The following SUSD2 variants were observed in gnomAD, a reference collection of about 807,000 sequenced individuals.
SUSD2 encodes sushi domain-containing protein 2.
SUSD2 carries 86 observed loss-of-function variants against 93.8 expected under a neutral mutation model. The observed-to-expected ratio is 0.92, with a 90% CI of 0.77 to 1.10. The LOEUF (loss-of-function observed/expected upper bound fraction) is 1.10, where lower values mean the gene tolerates loss of function less well. Among genes scored for constraint, SUSD2 ranks in the 50% least tolerant of loss-of-function variants. The pLI is 0.00. For synonymous variants in SUSD2, 483 were observed against 485.0 expected (o/e 1.00, Z 0.05); for missense variants, 1,060 against 1,137.0 (o/e 0.93, Z 0.97).
Position 24,184,903 on chromosome 22 carries a change from C to T in SUSD2, c.745C>T (p.Leu249Phe). ...CTACCAGAGATGGCGAGTGGGTGCA[C>T]TTCGGATCATCGACAGCAAAAATTA... ...PSYQRWRVGA[L>F]RIIDSKNYAG... The change falls in exon 5 of 15, where the codon CTT becomes TTT. Residue 249 changes from leucine to phenylalanine, a missense_variant. By Grantham distance (22) the Leu-to-Phe change is conservative. Around this residue, in one of 2 missense-constraint regions of SUSD2, gnomAD observed 973 missense variants for 1,005.3 expected, o/e 0.97. Coordinates refer to ENST00000358321, the MANE Select transcript of SUSD2 (RefSeq NM_019601.4). The T allele has an allele frequency of 6.2e-7, 1 of 1,613,930 alleles. No homozygotes were observed. The highest frequency in any genetic ancestry group is 8.5e-7 in the Non-Finnish European group (1 of 1,179,970).
chr22:24,187,994 G>C lies in SUSD2; in HGVS notation c.2200G>C (p.Gly734Arg). Residue 734 changes from glycine to arginine, a missense_variant, in exon 13 of 15, where the codon GGA becomes CGA. Coordinates refer to ENST00000358321, the MANE Select transcript of SUSD2 (RefSeq NM_019601.4). ...TGGCTGGCTGGCCCCACCTCCCAACGGACAAAAGGAGGGCAACAGGTACCT... is the reference window on the plus strand; with the variant it reads ...TGGCTGGCTGGCCCCACCTCCCAACCGACAAAAGGAGGGCAACAGGTACCT... ...SCGWLAPPPNGQKEGNRYLAG... is the reference protein window; with the variant it reads ...SCGWLAPPPNRQKEGNRYLAG... 6.2e-7 allele frequency: 1 copy of C among 1,612,880 alleles called. No individual in the cohort carries two copies.
Position 24,185,106 on chromosome 22 carries a change from G to T in SUSD2, c.795G>T (p.Ala265=), listed in dbSNP as rs146516969. Residue 265 remains alanine (A), a synonymous_variant, in exon 6 of 15, where the codon GCG becomes GCT. Transcript: ENST00000358321. The part of the protein sequence containing the change: ...KNYAGQKDVQ[A]LWTNDHALAW... ...ATCACCTCCACAGGGACGTGCAGGC[G>T]CTCTGGACCAACGACCACGCACTGG... is the stretch of plus-strand genomic sequence containing the variant. 6.2e-7 allele frequency: 1 copy of T among 1,612,944 alleles called. No homozygotes were observed. Among genetic ancestry groups the T allele is most frequent in the Non-Finnish European group, 8.5e-7 (1 of 1,179,846 alleles).
chr22:24,181,623 C>T (rs1569338876), intron 1 of SUSD2, 28 bp downstream of exon 1: 13 of 1,540,758 alleles, frequency 8.4e-6, no homozygotes, highest in Middle Eastern at 1.7e-4. Context: ...TCTGTGTCCC[C>T]GTCTGTCTGT....
Position 24,184,441 on chromosome 22 carries a change from G to A in SUSD2, c.607+138G>A, listed in dbSNP as rs1005958797. The A allele has an allele frequency of 2.5e-5, 24 of 968,746 alleles. No individual in the cohort carries two copies. In the African/African-American group the frequency reaches 3.4e-4, roughly 14 times the overall value. 60.0% of individuals were successfully genotyped at this position (968,746 alleles called of 1,614,324 possible). A position where few individuals can be genotyped will look rare whatever the true frequency, so the allele number is the denominator to read the frequency against. On this transcript the variant is annotated intron_variant, in intron 4 of 14. Transcript: ENST00000358321. ...GGGAAGGGAATTCCAGGCAGAGATT[G>A]AGGATTCGGATGGAGGGAAGTGCAG...
intron 3 of SUSD2, 49 bp from the exon 4 acceptor site, chr22:24,184,087 T>G: frequency 6.3e-7 from 1 of 1,598,674 alleles, no homozygotes; most frequent in Non-Finnish European, 8.5e-7. Flanking sequence ...GCCTCCTCCC[T>G]GCTTCCCTGG....
Position 24,185,544 on chromosome 22 carries a change from T to G in SUSD2, c.1043T>G (p.Val348Gly). The change falls in exon 7 of 15, where the codon GTG (valine) becomes GGG (glycine). Residue 348 changes from valine to glycine, a missense_variant. Val to Gly is a moderately radical substitution (Grantham distance 109). Around this residue, in one of 2 missense-constraint regions of SUSD2, gnomAD observed 973 missense variants for 1,005.3 expected, o/e 0.97. Coordinates refer to ENST00000358321, the MANE Select transcript of SUSD2 (RefSeq NM_019601.4). ...GSVCTYHPGA[V>G]HCVRSVQASL... The stretch of plus-strand genomic sequence containing the variant: ...GTGTGCACCTACCACCCCGGGGCCG[T>G]GCACTGTGTGCGTTCTGTGCAGGCC... The G allele has an allele frequency of 6.3e-7, 1 of 1,587,136 alleles. No homozygotes were observed.
In SUSD2 at chr22:24,188,529, G is replaced by A; in HGVS notation, c.*93G>A. 8.0e-7 allele frequency: 1 copy of A among 1,254,750 alleles called. No homozygotes were observed. Among genetic ancestry groups the A allele is most frequent in the Non-Finnish European group, 1.1e-6 (1 of 878,702 alleles). 77.7% of individuals were successfully genotyped at this position (1,254,750 alleles called of 1,614,324 possible). On this transcript the variant is annotated 3_prime_UTR_variant, in exon 15 of 15. Coordinates refer to ENST00000358321, the MANE Select transcript of SUSD2 (RefSeq NM_019601.4). This position sits in a 1 kb window ranked among gnomAD's most constrained non-coding sequence, Gnocchi z 4.7. ...CCGCATCCCCAGGACCAGACACCTG[G>A]GACCTGGATACTTGATACCTGGGCA...
intron 12 of SUSD2, 48 bp downstream of exon 12, chr22:24,187,891 C>T: frequency 1.2e-6 from 2 of 1,603,184 alleles, no homozygotes; most frequent in South Asian, 1.1e-5. Flanking sequence ...ACAGGACCCC[C>T]CGGGGTGGCC....
At position 24,185,820 on chromosome 22, in the gene SUSD2, C is replaced by A. The variant is rs2047361127; in HGVS notation, c.1230C>A (p.Leu410=). 1 of 1,609,850 alleles carries A rather than the reference C, an allele frequency of 6.2e-7. No individual in the cohort carries two copies. The highest frequency in any genetic ancestry group is 1.3e-5 in the African/African-American group (1 of 74,864). Residue 410 remains leucine (L), a synonymous_variant, in exon 8 of 15, where the codon CTC becomes CTA. Transcript: ENST00000358321. ...GAGTGCCCAGCATGTCCCACTGGCT[C>A]TACGATGTCCTCAGCTTCTATTACT... ...PPRVPSMSHW[L]YDVLSFYYCC...
chr22:24,181,696 AGGCCATCTGT>A lies in SUSD2; in HGVS notation c.76+105_76+114del. The A allele has an allele frequency of 9.5e-6, 9 of 950,208 alleles. 1 individual carries two copies. The South Asian group carries it at 1.6e-4, about 17-fold the overall frequency. The allele number at this position is 950,208 out of a possible 1,614,324, so 58.9% of individuals were successfully genotyped here. On this transcript the variant is annotated intron_variant, in intron 1 of 14. Coordinates refer to ENST00000358321, the MANE Select transcript of SUSD2 (RefSeq NM_019601.4). Reference sequence around the variant, plus strand: ...TGGGCTCAGCCTCTGTCCATCTGTCAGGCCATCTGTGGCTGTGCTAGGGGTGATGGGAAGA... The same window carrying A: ...TGGGCTCAGCCTCTGTCCATCTGTCAGGCTGTGCTAGGGGTGATGGGAAGA...
rs368997464 is a variant in SUSD2, at chr22:24,183,155, C to G, written c.175C>G (p.Arg59Gly). The G allele has an allele frequency of 1.2e-6, 2 of 1,613,918 alleles. No homozygotes were observed. Among genetic ancestry groups the G allele is most frequent in the African/African-American group, 2.7e-5 (2 of 74,948 alleles). ...SGLGTCCLDF[R>G]DFCLEILPYS... ...CCTTGGCACCTGCTGCTTGGATTTC[C>G]GGGACTTCTGCCTGGAGATATTGCC... Residue 59 changes from arginine (R) to glycine (G), a missense_variant, in exon 2 of 15, where the codon CGG becomes GGG. Coordinates refer to ENST00000358321, the MANE Select transcript of SUSD2 (RefSeq NM_019601.4).
chr22:24,183,647 G>A lies in SUSD2; in HGVS notation c.439+1G>A, dbSNP rs1463065717. On this transcript the variant is annotated splice_donor_variant, in intron 3 of 14. Transcript: ENST00000358321. LOFTEE classifies it high-confidence loss of function. ...CCTCGTGCGGGCACCTGGCTGGCTG[G>A]TGAGCCCTCCTCCCTGCCCACAGCC... The A allele has an allele frequency of 8.1e-6, 13 of 1,609,944 alleles. No individual in the cohort carries two copies. The highest frequency in any genetic ancestry group is 2.7e-5 in the African/African-American group (2 of 74,932).
In SUSD2 at chr22:24,187,818, G is replaced by T. The variant is rs114261714; in HGVS notation, c.2139G>T (p.Gln713His). Residue 713 changes from glutamine (Q) to histidine (H), a missense_variant, in exon 12 of 15, where the codon CAG becomes CAT. Transcript: ENST00000358321. ...TATRVAHQLHQRRMQSLQPVV... is the reference protein window; with the variant it reads ...TATRVAHQLHHRRMQSLQPVV... ...CTCGGGTGGCCCACCAGCTGCACCA[G>T]CGTCGCATGCAGAGCCTGCAGCCAG... 438 of 1,612,962 alleles carry T rather than the reference G, an allele frequency of 2.7e-4. No individual in the cohort carries two copies. In the East Asian group the frequency reaches 8.2e-3, roughly 30 times the overall value.
In SUSD2 at chr22:24,185,661, C is replaced by A. The variant is rs777839813; in HGVS notation, c.1071C>A (p.Ser357Arg). 5.0e-6 allele frequency: 8 copies of A among 1,608,168 alleles called. No homozygotes were observed. The African/African-American group carries it at 1.1e-4, about 21-fold the overall frequency. The change falls in exon 8 of 15, where the codon AGC becomes AGA. Residue 357 changes from serine to arginine, a missense_variant and splice_region_variant. By Grantham distance (110) the Ser-to-Arg change is moderately radical. Coordinates refer to ENST00000358321, the MANE Select transcript of SUSD2 (RefSeq NM_019601.4). ...GGCCCTGACTCACTGGCTCCTGCAGCCTCCGGTACGGCTCAGGTCAGCAGT... is the reference window on the plus strand; with the variant it reads ...GGCCCTGACTCACTGGCTCCTGCAGACTCCGGTACGGCTCAGGTCAGCAGT... The part of the protein sequence containing the change: ...AVHCVRSVQA[S>R]LRYGSGQQCC...
Position 24,188,321 on chromosome 22 carries a change from G to A in SUSD2, c.2438G>A (p.Gly813Asp), listed in dbSNP as rs1317926536. Residue 813 changes from glycine (G) to aspartate (D), a missense_variant, in exon 14 of 15, where the codon GGC (glycine) becomes GAC (aspartate). Coordinates refer to ENST00000358321, the MANE Select transcript of SUSD2 (RefSeq NM_019601.4). This position sits in a 1 kb window ranked among gnomAD's most constrained non-coding sequence, Gnocchi z 4.7. ...TATGTGCTGCTGCGCCGCAGGAAGGGCAACACGTGAGACCCCCCAGCCCCT... is the reference window on the plus strand; with the variant it reads ...TATGTGCTGCTGCGCCGCAGGAAGGACAACACGTGAGACCCCCCAGCCCCT... ...LVYVLLRRRK[G>D]NTHVWGAQP 6.2e-7 allele frequency: 1 copy of A among 1,606,146 alleles called. No homozygotes were observed. The highest frequency in any genetic ancestry group is 8.5e-7 in the Non-Finnish European group (1 of 1,176,864).
chr22:24,181,668 C>G (rs1302745338), intron 1 of SUSD2, 73 bp downstream of exon 1: 5 of 1,219,966 alleles, frequency 4.1e-6, no homozygotes, highest in East Asian at 2.7e-5. Context: ...GCTGACATCC[C>G]TCTGGGCTCA....
chr22:24,188,056 C>G lies in SUSD2; in HGVS notation c.2262C>G (p.Gly754=). The part of the protein sequence containing the change: ...GSTIYFHCDN[G]YSLAGAETST... ...CCATCTACTTCCACTGTGACAACGG[C>G]TACAGCCTGGCCGGGGCAGAGACCA... is the stretch of plus-strand genomic sequence containing the variant. Residue 754 remains glycine (G), a synonymous_variant, in exon 13 of 15, where the codon GGC becomes GGG. Coordinates refer to ENST00000358321, the MANE Select transcript of SUSD2 (RefSeq NM_019601.4). This position sits in a 1 kb window ranked among gnomAD's most constrained non-coding sequence, Gnocchi z 4.7. The G allele has an allele frequency of 6.2e-7, 1 of 1,612,930 alleles. No homozygotes were observed. The highest frequency in any genetic ancestry group is 8.5e-7 in the Non-Finnish European group (1 of 1,179,940).
rs2047384161 is a variant in SUSD2, at chr22:24,188,263, G to T, written c.2380G>T (p.Gly794Cys). ...GGTGCTGTTGGGCATCATCTTTGGG[G>T]GCCTCGCGGTGGTGGCGGCGGTTGC... ...YAVLLGIIFG[G>C]LAVVAAVALV... Residue 794 changes from glycine to cysteine, a missense_variant, in exon 14 of 15, where the codon GGC (glycine) becomes TGC (cysteine). By Grantham distance (159) the Gly-to-Cys change is radical (BLOSUM62 -3). This residue lies in a region of SUSD2 where 973 missense variants were observed against 1,005.3 expected (regional missense o/e 0.97). Transcript: ENST00000358321. This position sits in a 1 kb window ranked among gnomAD's most constrained non-coding sequence, Gnocchi z 4.7. The T allele has an allele frequency of 6.2e-7, 1 of 1,604,716 alleles. No homozygotes were observed. The highest frequency in any genetic ancestry group is 1.1e-5 in the South Asian group (1 of 90,330).
chr22:24,181,606 C>T lies in SUSD2; in HGVS notation c.76+11C>T, dbSNP rs1279168667. ...CCGGACCCACAGCAGGTATGCCTCCCTGCCCTTCTGTGTCCCCGTCTGTCT... is the reference window on the plus strand; with the variant it reads ...CCGGACCCACAGCAGGTATGCCTCCTTGCCCTTCTGTGTCCCCGTCTGTCT... On this transcript the variant is annotated intron_variant, in intron 1 of 14. Transcript: ENST00000358321. 11 of 1,582,640 alleles carry T rather than the reference C, an allele frequency of 7.0e-6. No homozygotes were observed. Among genetic ancestry groups the T allele is most frequent in the East Asian group, 2.3e-5 (1 of 43,454 alleles).
Sources: gnomAD v4.1 joint callset for allele counts on GRCh38, gnomAD v4.1.1 for gene constraint, gnomAD v4.1.1 regional missense constraint, Gnocchi (gnomAD v3.1) non-coding constraint, MANE v1.5 for transcripts, NCBI Gene and HGNC (gene_info 2026-07-23, HGNC 2026-07-21) for gene names.